The following ASTN2 variants were observed in gnomAD, a reference collection of about 807,000 sequenced individuals.
ASTN2 encodes astrotactin-2.
Under a neutral mutation model 139.8 loss-of-function variants are expected in ASTN2, and 54 were observed. The observed-to-expected ratio is 0.39, with a 90% CI of 0.31 to 0.48. The LOEUF (loss-of-function observed/expected upper bound fraction) is 0.48, where lower values mean the gene tolerates loss of function less well. ASTN2 is among the 20% of genes least tolerant of loss of function. The pLI is 0.95. For missense variants in ASTN2, 1,565 were observed against 1,725.1 expected, an observed-to-expected ratio of 0.91 and a Z score of 1.64; for synonymous variants, 756 against 719.5, an observed-to-expected ratio of 1.05 and a Z score of -0.81.
Position 116,778,504 on chromosome 9 carries a change from G to A in ASTN2, c.2396+27128C>T, listed in dbSNP as rs184027175. 2.0e-3 allele frequency among the ~76,000 whole-genome samples: 311 copies of A among 152,028 alleles called. 1 individual carries two copies. The highest frequency in any genetic ancestry group is 3.4e-3 in the Middle Eastern group (1 of 292). On this transcript the variant is annotated intron_variant, in intron 13 of 22. Transcript: ENST00000313400. ...AAAGACCATAGGGAAAATACTTGGGGGCTTCTCAAAATGATTGCTGAAGAT... is the reference window on the plus strand; with the variant it reads ...AAAGACCATAGGGAAAATACTTGGGAGCTTCTCAAAATGATTGCTGAAGAT...
intron 13 of ASTN2, among the ~76,000 whole-genome samples, chr9:116,775,680 AGGG>A (rs2132193781): frequency 9.7e-6 from 1 of 102,680 alleles, no homozygotes; most frequent in African/African-American, 3.7e-5. Context: ...AGAGGGAGGG[AGGG>A]AGGGAGAAAG....
intron 19 of ASTN2, chr9:116,578,839 AGAATTACAGAAGGCTC>A (rs1279534740): frequency 1.3e-5 from 2 of 152,222 alleles, no homozygotes; most frequent in African/African-American, 2.4e-5. Flanking sequence ...TATTGTCCAC[AGAATTACAGAAGGCTC>A]TGAGCAGCAG....
intron 13 of ASTN2, among the ~76,000 whole-genome samples, chr9:116,739,028 AC>A (rs1829022496): frequency 6.6e-6 from 1 of 152,028 alleles, no homozygotes; most frequent in Admixed American, 6.6e-5. Flanking sequence ...ACACACACAC[AC>A]ACACAAACAC....
chr9:117,094,088 T>C (rs1206974648), intron 5 of ASTN2, among the ~76,000 whole-genome samples: 1 of 128,620 alleles, frequency 7.8e-6, no homozygotes. Context: ...TTGTGGTATG[T>C]ATCAAAGGAA....
intron 1 of ASTN2, among the ~76,000 whole-genome samples, chr9:117,362,298 G>C (rs1172249054): frequency 2.6e-5 from 4 of 152,066 alleles, no homozygotes; most frequent in Non-Finnish European, 5.9e-5. Context: ...CTTTGAGACA[G>C]TTCCCATGCT....
intron 16 of ASTN2, chr9:116,687,341 G>T: frequency 3.3e-6 from 3 of 907,270 alleles, no homozygotes; most frequent in Non-Finnish European, 4.0e-6. Context: ...GCAGGCGGGT[G>T]GGCTGCCGGC....
chr9:117,271,790 G>C (rs997610957), intron 2 of ASTN2, among the ~76,000 whole-genome samples: 2 of 152,194 alleles, frequency 1.3e-5, no homozygotes, highest in Admixed American at 6.5e-5. Context: ...TCAAATCCAG[G>C]TCACGCTGAT....
chr9:117,235,186 A>G (rs531259377), intron 2 of ASTN2, among the ~76,000 whole-genome samples: 1 of 152,020 alleles, frequency 6.6e-6, no homozygotes, highest in South Asian at 2.1e-4. Context: ...GTAAGCTGAG[A>G]TCACACCATC....
chr9:116,448,665 C>T (rs1194290947), intron 20 of ASTN2, among the ~76,000 whole-genome samples: 4 of 152,152 alleles, frequency 2.6e-5, no homozygotes, highest in Non-Finnish European at 4.4e-5. Flanking sequence ...AGAAATTCTA[C>T]CATTGAGCCT....
intron 4 of ASTN2, among the ~76,000 whole-genome samples, chr9:117,133,390 A>G (rs1365624401): frequency 1.3e-5 from 2 of 152,228 alleles, no homozygotes; most frequent in Non-Finnish European, 2.9e-5. Flanking sequence ...TGGCAGAGCT[A>G]GGATGTGAAT....
chr9:116,455,784 C>T (rs181400768), intron 20 of ASTN2, among the ~76,000 whole-genome samples: 62 of 149,346 alleles, frequency 4.2e-4, no homozygotes, highest in African/African-American at 1.4e-3. Context: ...AAAAGTAATA[C>T]AATCTATTTT....
intron 13 of ASTN2, among the ~76,000 whole-genome samples, chr9:116,774,112 A>C (rs1018539582): frequency 5.9e-5 from 9 of 152,220 alleles, no homozygotes; most frequent in Admixed American, 3.9e-4. Context: ...CTGACATTGC[A>C]TGCAGCAGAC....
At chr9:116,988,675 C>T (rs2132547671) in intron 7 of ASTN2, among the ~76,000 whole-genome samples, 1 of 152,124 alleles carries the variant, frequency 6.6e-6, no homozygotes, top group African/African-American at 2.4e-5. Context: ...AAGTCAGAGC[C>T]CCTCACCTCA....
At chr9:117,206,093 T>C (rs560322837) in intron 3 of ASTN2, among the ~76,000 whole-genome samples, 2 of 152,274 alleles carry the variant, frequency 1.3e-5, no homozygotes, top group Admixed American at 1.3e-4. Context: ...GGCATTTATA[T>C]TCCAACAAGA....
chr9:116,598,783 A>G (rs1419424508), intron 19 of ASTN2, among the ~76,000 whole-genome samples: 1 of 152,232 alleles, frequency 6.6e-6, no homozygotes, highest in Non-Finnish European at 1.5e-5. Flanking sequence ...GAGGATGGAT[A>G]ATTCATACAG....
intron 13 of ASTN2, among the ~76,000 whole-genome samples, chr9:116,743,819 A>C (rs1829160907): frequency 6.6e-6 from 1 of 152,146 alleles, no homozygotes; most frequent in African/African-American, 2.4e-5. Context: ...TGTTTTTGCT[A>C]TCAGTGGAAT....
intron 4 of ASTN2, among the ~76,000 whole-genome samples, chr9:117,103,647 A>G (rs1330024547): frequency 2.0e-5 from 3 of 152,126 alleles, no homozygotes; most frequent in Non-Finnish European, 2.9e-5. Flanking sequence ...TCTTGCTATC[A>G]TGATGGATGG....
intron 11 of ASTN2, among the ~76,000 whole-genome samples, chr9:116,859,960 G>A (rs148167724): frequency 2.0e-3 from 311 of 152,316 alleles, no homozygotes; most frequent in Non-Finnish European, 3.2e-3. Context: ...ACTAGCTGAC[G>A]CACAGAGCCA....
At chr9:117,038,316 A>AT (rs1489151738) in intron 6 of ASTN2, among the ~76,000 whole-genome samples, 2 of 152,132 alleles carry the variant, frequency 1.3e-5, no homozygotes, top group African/African-American at 2.4e-5. Flanking sequence ...AAAATGCAAA[A>AT]TTTTTTTAAA....
Sources: allele counts gnomAD v4.1 joint callset (sites outside exome capture counted in the v4.1 genomes callset), GRCh38; gene constraint gnomAD v4.1.1; transcripts MANE v1.5; gene names NCBI Gene and HGNC (gene_info 2026-07-23, HGNC 2026-07-21).